Variants in PDE7B observed in about 807,000 individuals in gnomAD.
PDE7B encodes 3',5'-cyclic-AMP phosphodiesterase 7B.
In PDE7B, 29 loss-of-function variants were observed where a neutral mutation model predicts 56.2. The observed-to-expected ratio is 0.52, with a 90% CI of 0.38 to 0.70. PDE7B has a LOEUF of 0.70. PDE7B is among the 30% of genes least tolerant of loss of function. The pLI, the probability that PDE7B is intolerant of heterozygous loss-of-function variation, is 0.00. For synonymous variants in PDE7B, 197 were observed against 196.9 expected (o/e 1.00, Z 0.00); for missense variants, 490 against 565.0 (o/e 0.87, Z 1.35).
intron 1 of PDE7B, among the ~76,000 whole-genome samples, chr6:135,906,825 T>TTTTTTTTGTTTTTTTTTTTTTG (rs1562434129): frequency 5.0e-4 from 73 of 145,836 alleles, no homozygotes; most frequent in African/African-American, 1.8e-3. Flanking sequence ...TTTTTTTTTT[T>TTTTTTTTGTTTTTTTTTTTTTG]TTTTTTTTTT....
At chr6:136,071,021 C>G (rs75610264) in intron 2 of PDE7B, among the ~76,000 whole-genome samples, 2 of 152,192 alleles carry the variant, frequency 1.3e-5, no homozygotes, top group East Asian at 3.9e-4. Flanking sequence ...TCGGCCCTTT[C>G]CCAAGTATTC....
chr6:135,865,836 A>C (rs953063070), intron 1 of PDE7B, among the ~76,000 whole-genome samples: 1 of 152,172 alleles, frequency 6.6e-6, no homozygotes, highest in Non-Finnish European at 1.5e-5. Flanking sequence ...TTGGCACTTA[A>C]TAAGAAGTCT....
At position 136,048,151 on chromosome 6, in the gene PDE7B, A is replaced by G. The variant is rs574282633; in HGVS notation, c.83-60580A>G. Among the ~76,000 whole-genome samples the G allele has an allele frequency of 1.2e-4, 19 of 152,352 alleles. No individual in the cohort carries two copies. The South Asian group carries it at 3.7e-3, about 30-fold the overall frequency. ...TATATAATATACTAAATGTGCATAC[A>G]CAAAGTCTGTGCCAATTGCCAACAC... On this transcript the variant is annotated intron_variant, in intron 2 of 12. Transcript: ENST00000308191.
chr6:136,136,216 T>G (rs1778209627), intron 3 of PDE7B, among the ~76,000 whole-genome samples: 1 of 152,106 alleles, frequency 6.6e-6, no homozygotes, highest in African/African-American at 2.4e-5. Context: ...TTTCTCCTGT[T>G]TTTTAAAGCT....
intron 1 of PDE7B, among the ~76,000 whole-genome samples, chr6:135,894,639 G>T (rs973077580): frequency 6.6e-6 from 1 of 152,154 alleles, no homozygotes; most frequent in East Asian, 1.9e-4. Flanking sequence ...ATGCCAAATT[G>T]CATTATTCCA....
intron 2 of PDE7B, among the ~76,000 whole-genome samples, chr6:135,978,635 A>G (rs1775235140): frequency 6.6e-6 from 1 of 152,120 alleles, no homozygotes; most frequent in African/African-American, 2.4e-5. Context: ...CTGTACAAAA[A>G]AATTCTTTAT....
intron 2 of PDE7B, among the ~76,000 whole-genome samples, chr6:135,973,279 G>A (rs1186357314): frequency 6.6e-6 from 1 of 151,998 alleles, no homozygotes; most frequent in Admixed American, 6.6e-5. Context: ...TGTCCTCCAG[G>A]TTCTTCCATG....
At chr6:136,143,920 C>T (rs1379627876) in intron 3 of PDE7B, among the ~76,000 whole-genome samples, 1 of 151,900 alleles carries the variant, frequency 6.6e-6, no homozygotes, top group Non-Finnish European at 1.5e-5. Context: ...TCATTCAGGG[C>T]TATTTTACTT....
intron 1 of PDE7B, among the ~76,000 whole-genome samples, chr6:135,904,621 CTATAT>C (rs1311123987): frequency 1.3e-5 from 2 of 152,164 alleles, no homozygotes; most frequent in African/African-American, 4.8e-5. Flanking sequence ...ATGATATTAA[CTATAT>C]TATATCAAAC....
chr6:136,118,987 C>T (rs1421139619), intron 3 of PDE7B, among the ~76,000 whole-genome samples: 1 of 152,152 alleles, frequency 6.6e-6, no homozygotes, highest in Non-Finnish European at 1.5e-5. Flanking sequence ...ATCGCCTGAC[C>T]TTGTGTTCTT....
At chr6:136,147,766 G>C (rs1778441266) in intron 4 of PDE7B, among the ~76,000 whole-genome samples, 1 of 152,026 alleles carries the variant, frequency 6.6e-6, no homozygotes, top group African/African-American at 2.4e-5. Context: ...TTTTTATAAA[G>C]GTACAAAACA....
chr6:135,943,476 C>T (rs1250431898), intron 1 of PDE7B, among the ~76,000 whole-genome samples: 1 of 152,138 alleles, frequency 6.6e-6, no homozygotes, highest in Non-Finnish European at 1.5e-5. Context: ...AGGCAATGAG[C>T]AGGTCAAAAG....
At chr6:136,150,226 A>G (rs1778486453) in intron 5 of PDE7B, among the ~76,000 whole-genome samples, 1 of 152,194 alleles carries the variant, frequency 6.6e-6, no homozygotes, top group South Asian at 2.1e-4. Context: ...CATATCTAAG[A>G]AATGCTGAAA....
intron 2 of PDE7B, among the ~76,000 whole-genome samples, chr6:136,024,098 TTC>T (rs1024236091): frequency 6.6e-6 from 1 of 152,166 alleles, no homozygotes; most frequent in African/African-American, 2.4e-5. Context: ...CTAGGAATAA[TTC>T]TGTTATAATG....
At chr6:136,010,659 C>T (rs533573653) in intron 2 of PDE7B, among the ~76,000 whole-genome samples, 6 of 152,036 alleles carry the variant, frequency 3.9e-5, no homozygotes, top group African/African-American at 9.6e-5. Flanking sequence ...GACAGAGTCT[C>T]GCTCTGTCAC....
chr6:136,028,352 A>C (rs1263784026), intron 2 of PDE7B, among the ~76,000 whole-genome samples: 2 of 152,226 alleles, frequency 1.3e-5, no homozygotes, highest in Non-Finnish European at 2.9e-5. Context: ...TCATGAAAAA[A>C]CATGGAATTT....
At chr6:135,968,060 C>A (rs916171396) in intron 2 of PDE7B, among the ~76,000 whole-genome samples, 11 of 152,178 alleles carry the variant, frequency 7.2e-5, no homozygotes, top group African/African-American at 2.7e-4. Flanking sequence ...ATGACGCAAG[C>A]ATCTCTAGTT....
At chr6:135,855,544 G>C (rs939142051) in intron 1 of PDE7B, among the ~76,000 whole-genome samples, 1 of 152,154 alleles carries the variant, frequency 6.6e-6, no homozygotes. Context: ...GATTAATTAA[G>C]TGCATTGTTA....
At position 136,039,561 on chromosome 6, in the gene PDE7B, CT is replaced by C. The variant is rs200469289; in HGVS notation, c.83-69163del. Among the ~76,000 whole-genome samples, 283 of 152,038 alleles carry C rather than the reference CT, an allele frequency of 1.9e-3. 9 individuals are homozygous for C. The East Asian group carries it at 0.048, about 26-fold the overall frequency. ...TGATTTTAATGATTTATGCCAGGAA[CT>C]TTTTTTAAGTTATGACTTAATAATC... On this transcript the variant is annotated intron_variant, in intron 2 of 12. Coordinates refer to ENST00000308191, the MANE Select transcript of PDE7B (RefSeq NM_018945.4).
Sources: allele counts gnomAD v4.1 joint callset (sites outside exome capture counted in the v4.1 genomes callset), GRCh38; gene constraint gnomAD v4.1.1; transcripts MANE v1.5; gene names NCBI Gene and HGNC (gene_info 2026-07-23, HGNC 2026-07-21).